Variants in FGFR1 observed in about 807,000 individuals in gnomAD.
FGFR1 encodes the protein fibroblast growth factor receptor 1, also known as FGFR1/PLAG1 fusion.
FGFR1 carries 18 observed loss-of-function variants against 93.7 expected under a neutral mutation model. That is an observed-to-expected ratio of 0.19 (90% confidence interval 0.13 to 0.28). The LOEUF (loss-of-function observed/expected upper bound fraction) is 0.28, where lower values mean the gene tolerates loss of function less well. Ranked by LOEUF, FGFR1 falls within the 10% of genes least tolerant of loss-of-function variation. FGFR1 has a pLI of 1.00. For synonymous variants in FGFR1, 448 were observed against 429.3 expected (o/e 1.04, Z -0.54); for missense variants, 731 against 1,080.4 (o/e 0.68, Z 4.53).
At position 38,413,619 on chromosome 8, in the gene FGFR1, G is replaced by A. The variant is rs1815126316; in HGVS notation, c.*9C>T. The A allele has an allele frequency of 6.2e-7, 1 of 1,603,722 alleles. No individual in the cohort carries two copies. Among genetic ancestry groups the A allele is most frequent in the African/African-American group, 1.3e-5 (1 of 74,976 alleles). ...ACGGTGGAGTCTGGGGAGGGCGTGT[G>A]GGTGGCAGTCAGCGGCGTTTGAGTC... On this transcript the variant is annotated 3_prime_UTR_variant, in exon 18 of 18. Transcript: ENST00000447712. This position sits in a 1 kb window ranked among gnomAD's most constrained non-coding sequence, Gnocchi z 4.2.
chr8:38,434,482 G>A, intron 2 of FGFR1: 1 of 400,576 alleles, frequency 2.5e-6, no homozygotes, highest in East Asian at 5.7e-5. Flanking sequence ...AAGTCAGTGG[G>A]TAGCTTGTGG....
chr8:38,462,007 C>T (rs769926756), intron 1 of FGFR1, among the ~76,000 whole-genome samples: 14 of 152,146 alleles, frequency 9.2e-5, no homozygotes, highest in Non-Finnish European at 2.1e-4. Context: ...ACCTGTGGCC[C>T]ACACAGTGGC....
rs1017142156 is a variant in FGFR1 at position 38,417,758 on chromosome 8, G to A, written c.1552+112C>T. 12 of 1,488,098 alleles carry A rather than the reference G, an allele frequency of 8.1e-6. No homozygotes were observed. In the African/African-American group the frequency reaches 9.7e-5, roughly 12 times the overall value. The allele number at this position is 1,488,098 out of a possible 1,614,324, so 92.2% of individuals were successfully genotyped here. On this transcript the variant is annotated intron_variant, in intron 11 of 17. Coordinates refer to ENST00000447712, the MANE Select transcript of FGFR1 (RefSeq NM_023110.3). ...CCCAGGTAACCCCAAGCAGGCAGCG[G>A]AGCAGGTGTGGGCAGCAAAGGCACC...
chr8:38,437,077 G>C (rs183100195), intron 2 of FGFR1, among the ~76,000 whole-genome samples: 112 of 152,206 alleles, frequency 7.4e-4, no homozygotes, highest in African/African-American at 2.4e-3. Context: ...ATGGAGTTTT[G>C]CCATGTTGGC....
chr8:38,468,462 C>T lies in FGFR1; in HGVS notation c.-570G>A, dbSNP rs2151508731. On this transcript the variant is annotated 5_prime_UTR_variant, in exon 1 of 18. Coordinates refer to ENST00000447712, the MANE Select transcript of FGFR1 (RefSeq NM_023110.3). Reference sequence around the variant, plus strand: ...CGCTCGCGGCCGGGGAAGGCGAGGTCGCCGCAATGCGCTACGAGGGGTCTC... The same window carrying T: ...CGCTCGCGGCCGGGGAAGGCGAGGTTGCCGCAATGCGCTACGAGGGGTCTC... 4.4e-6 allele frequency: 1 copy of T among 228,734 alleles called. No individual in the cohort carries two copies. Among genetic ancestry groups the T allele is most frequent in the East Asian group, 6.1e-5 (1 of 16,384 alleles). The allele number at this position is 228,734 out of a possible 1,614,324, so 14.2% of individuals were successfully genotyped here. A position where few individuals can be genotyped will look rare whatever the true frequency, so the allele number is the denominator to read the frequency against.
intron 2 of FGFR1, among the ~76,000 whole-genome samples, chr8:38,455,583 G>A (rs965947944): frequency 6.6e-6 from 1 of 152,288 alleles, no homozygotes; most frequent in African/African-American, 2.4e-5. Flanking sequence ...GAGCCACCGT[G>A]CCCGGCCCTA....
intron 2 of FGFR1, among the ~76,000 whole-genome samples, chr8:38,446,194 C>A (rs1023496558): frequency 1.3e-5 from 2 of 151,150 alleles, no homozygotes; most frequent in African/African-American, 4.9e-5. Context: ...ACTGACTCAG[C>A]CCTCTCCCAC....
chr8:38,463,248 A>T (rs1349786803), intron 1 of FGFR1: 1 of 174,184 alleles, frequency 5.7e-6, no homozygotes. Flanking sequence ...TCGAAGCAAC[A>T]TCCATGCCTC....
intron 2 of FGFR1, 109 bp downstream of exon 2, chr8:38,457,247 G>C (rs2151335482): frequency 3.2e-6 from 4 of 1,257,336 alleles, no homozygotes; most frequent in Non-Finnish European, 4.5e-6. Flanking sequence ...CTCCACTTGG[G>C]AAGGAGCCTT....
At chr8:38,423,324 T>C in intron 7 of FGFR1, 1 of 606,626 alleles carries the variant, frequency 1.6e-6, no homozygotes, top group Admixed American at 3.0e-5. Flanking sequence ...TTTTTTTTTT[T>C]TTTTTTTTTT....
At position 38,424,370 on chromosome 8, in the gene FGFR1, T is replaced by G; in HGVS notation, c.936+139A>C. The G allele has an allele frequency of 3.2e-5, 29 of 895,400 alleles. No individual in the cohort carries two copies. The highest frequency in any genetic ancestry group is 4.6e-5 in the Non-Finnish European group (25 of 544,882). 55.5% of individuals were successfully genotyped at this position (895,400 alleles called of 1,614,324 possible). A position where few individuals can be genotyped will look rare whatever the true frequency, so the allele number is the denominator to read the frequency against. On this transcript the variant is annotated intron_variant, in intron 7 of 17. Coordinates refer to ENST00000447712, the MANE Select transcript of FGFR1 (RefSeq NM_023110.3). The surrounding 1 kb of genome is among the most constrained non-coding windows in gnomAD (Gnocchi z 4.3). ...CTGGGGGATGTGGCTAGATCCCTAC[T>G]GAGATGGAGTGTGTGTGCCTGAAGC...
In FGFR1 at chr8:38,423,552, C is replaced by A. The variant is rs190188972; in HGVS notation, c.936+957G>T. ...GGCCGGGCTGGTCTCAAACTCCTGA[C>A]CTCAAGTGATCTAAAGTGCTGGGAT... On this transcript the variant is annotated intron_variant, in intron 7 of 17. Coordinates refer to ENST00000447712, the MANE Select transcript of FGFR1 (RefSeq NM_023110.3). 3.4e-5 allele frequency: 8 copies of A among 238,548 alleles called. No homozygotes were observed. The East Asian group carries it at 1.2e-3, about 36-fold the overall frequency. The allele number at this position is 238,548 out of a possible 1,614,324, so 14.8% of individuals were successfully genotyped here. A position where few individuals can be genotyped will look rare whatever the true frequency, so the allele number is the denominator to read the frequency against.
At chr8:38,462,373 G>A (rs1015679905) in intron 1 of FGFR1, among the ~76,000 whole-genome samples, 8 of 151,920 alleles carry the variant, frequency 5.3e-5, no homozygotes, top group Middle Eastern at 6.8e-3. Context: ...GTGCAGTGGC[G>A]CGCGCCTGTA....
intron 7 of FGFR1, chr8:38,422,299 A>T (rs554938860): frequency 2.2e-6 from 1 of 455,476 alleles, no homozygotes; most frequent in African/African-American, 2.0e-5. Flanking sequence ...GAAGGTGAAC[A>T]CAGGAGGGAT....
chr8:38,450,550 T>C (rs1214375122), intron 2 of FGFR1, among the ~76,000 whole-genome samples: 1 of 152,116 alleles, frequency 6.6e-6, no homozygotes, highest in African/African-American at 2.4e-5. Flanking sequence ...ACTCACTGCT[T>C]CTGCCTGGCC....
In FGFR1 at chr8:38,424,809, C is replaced by A; in HGVS notation, c.746-110G>T. On this transcript the variant is annotated intron_variant, in intron 6 of 17. Coordinates refer to ENST00000447712, the MANE Select transcript of FGFR1 (RefSeq NM_023110.3). This position sits in a 1 kb window ranked among gnomAD's most constrained non-coding sequence, Gnocchi z 4.3. ...TTTCCCAGTGATGGGTTGTAAACCT[C>A]CCAGCACTTCTGCTGAGCCCAAGCC... 1 of 1,101,466 alleles carries A rather than the reference C, an allele frequency of 9.1e-7. No individual in the cohort carries two copies. The highest frequency in any genetic ancestry group is 1.6e-5 in the African/African-American group (1 of 64,364). The allele number at this position is 1,101,466 out of a possible 1,614,324, so 68.2% of individuals were successfully genotyped here. A position where few individuals can be genotyped will look rare whatever the true frequency, so the allele number is the denominator to read the frequency against.
In FGFR1 at chr8:38,418,239, C is replaced by T. The variant is rs2150670217; in HGVS notation, c.1419G>A (p.Leu473=). The change falls in exon 10 of 18, where the codon CTG becomes CTA. Residue 473 remains leucine (L), a synonymous_variant. Coordinates refer to ENST00000447712, the MANE Select transcript of FGFR1 (RefSeq NM_023110.3). ...CAAAGTATTATTACCTGTCCCGAGG[C>T]AGCTCCCAGCGAGGGTCTTCGGGAA... ...YELPEDPRWE[L]PRDRLVLGKP... is the part of the protein sequence containing the mutation. 6.2e-7 allele frequency: 1 copy of T among 1,614,212 alleles called. No homozygotes were observed. Among genetic ancestry groups the T allele is most frequent in the Middle Eastern group, 1.6e-4 (1 of 6,062 alleles).
intron 1 of FGFR1, among the ~76,000 whole-genome samples, chr8:38,461,574 G>A (rs1216854874): frequency 1.3e-5 from 2 of 152,178 alleles, no homozygotes; most frequent in Non-Finnish European, 2.9e-5. Flanking sequence ...CTCCCAAAGT[G>A]CTGGGATTAC....
intron 10 of FGFR1, 88 bp downstream of exon 10, chr8:38,418,140 C>T (rs1197860684): frequency 6.2e-7 from 1 of 1,607,408 alleles, no homozygotes; most frequent in Non-Finnish European, 8.5e-7. Flanking sequence ...ACCTTCACCG[C>T]CCAGAAGGTG....
Sources: allele counts gnomAD v4.1 joint callset (sites outside exome capture counted in the v4.1 genomes callset), GRCh38; gene constraint gnomAD v4.1.1; non-coding constraint Gnocchi (gnomAD v3.1); transcripts MANE v1.5; gene names NCBI Gene and HGNC (gene_info 2026-07-23, HGNC 2026-07-21).